Variants in SNX29 observed in about 807,000 individuals in gnomAD.
The protein encoded by SNX29 is sorting nexin 29.
Under a neutral mutation model 102.1 loss-of-function variants are expected in SNX29, and 78 were observed. The ratio of observed to expected loss-of-function variants is 0.76; its 90% CI spans 0.64 to 0.92. The LOEUF is 0.92. SNX29 is among the 40% of genes least tolerant of loss of function. The probability of loss-of-function intolerance (pLI) is 0.00; values close to 1 mark genes in which losing one functional copy is unlikely to be tolerated. For synonymous variants in SNX29, 580 were observed against 414.5 expected, an observed-to-expected ratio of 1.40 and a Z score of -4.85; for missense variants, 1,280 against 1,061.7, an observed-to-expected ratio of 1.21 and a Z score of -2.86.
At chr16:12,519,120 T>G (rs1259470399) in intron 19 of SNX29, among the ~76,000 whole-genome samples, 1 of 152,154 alleles carries the variant, frequency 6.6e-6, no homozygotes, top group Admixed American at 6.5e-5. Context: ...GGGCTGCTCA[T>G]TATTTAAAGG....
intron 15 of SNX29, among the ~76,000 whole-genome samples, chr16:12,321,159 T>A (rs1329314599): frequency 6.6e-6 from 1 of 152,070 alleles, no homozygotes; most frequent in Non-Finnish European, 1.5e-5. Context: ...GCCACACTGC[T>A]CTGTTCCTAC....
At chr16:12,287,893 C>T (rs2079651270) in intron 15 of SNX29, among the ~76,000 whole-genome samples, 1 of 152,088 alleles carries the variant, frequency 6.6e-6, no homozygotes, top group Non-Finnish European at 1.5e-5. Flanking sequence ...TTTCTCCTAC[C>T]AGTGTTTTTT....
intron 3 of SNX29, among the ~76,000 whole-genome samples, chr16:12,012,229 G>C (rs1320283830): frequency 1.3e-5 from 2 of 152,090 alleles, no homozygotes; most frequent in African/African-American, 4.8e-5. Flanking sequence ...TCAAATAGGT[G>C]GGATAGGAAT....
intron 20 of SNX29, among the ~76,000 whole-genome samples, chr16:12,548,988 C>T (rs773051758): frequency 3.3e-5 from 5 of 152,332 alleles, no homozygotes; most frequent in Admixed American, 1.3e-4. Context: ...CCCTGCTCTC[C>T]CGTGCTTTGG....
intron 13 of SNX29, among the ~76,000 whole-genome samples, chr16:12,192,199 A>G (rs2076659694): frequency 6.6e-6 from 1 of 152,146 alleles, no homozygotes; most frequent in African/African-American, 2.4e-5. Context: ...TTTGAGAGGT[A>G]CTTGCCACCT....
chr16:12,175,183 T>G (rs1248972081), intron 13 of SNX29, among the ~76,000 whole-genome samples: 1 of 152,236 alleles, frequency 6.6e-6, no homozygotes, highest in Non-Finnish European at 1.5e-5. Context: ...CTATTATAAA[T>G]TTGTAGCAGG....
At chr16:12,303,175 C>T (rs1168646300) in intron 15 of SNX29, among the ~76,000 whole-genome samples, 4 of 152,134 alleles carry the variant, frequency 2.6e-5, no homozygotes, top group Non-Finnish European at 4.4e-5. Context: ...TGGAGTTGGT[C>T]CACATAGTTG....
intron 13 of SNX29, among the ~76,000 whole-genome samples, chr16:12,160,371 CAG>C (rs890592122): frequency 6.6e-6 from 1 of 152,202 alleles, no homozygotes; most frequent in African/African-American, 2.4e-5. Context: ...GGTTACATAG[CAG>C]AGAGGCTTAT....
At chr16:12,013,677 C>G (rs1324723689) in intron 3 of SNX29, among the ~76,000 whole-genome samples, 1 of 150,566 alleles carries the variant, frequency 6.6e-6, no homozygotes, top group Non-Finnish European at 1.5e-5. Context: ...TGGAGTCCCG[C>G]TGTGTTGCCC....
At chr16:12,181,852 G>A (rs372889712) in intron 13 of SNX29, among the ~76,000 whole-genome samples, 2 of 151,258 alleles carry the variant, frequency 1.3e-5, no homozygotes, top group Non-Finnish European at 2.9e-5. Context: ...GTCACCTAGC[G>A]TTGTTGTAAA....
In SNX29 at chr16:12,042,880, G is replaced by A. The variant is rs543502452; in HGVS notation, c.248-17G>A. On this transcript the variant is annotated splice_polypyrimidine_tract_variant and intron_variant, in intron 4 of 20. Transcript: ENST00000566228. Reference sequence around the variant, plus strand: ...GCCCCAGGCCGAGTGCCAGGCGCCTGTGCCCTCTCTCCGTAGAGCCCGTGT... The same window carrying A: ...GCCCCAGGCCGAGTGCCAGGCGCCTATGCCCTCTCTCCGTAGAGCCCGTGT... 8.0e-5 allele frequency: 128 copies of A among 1,593,390 alleles called. 2 individuals are homozygous for A. In the East Asian group the frequency reaches 2.9e-3, roughly 36 times the overall value.
chr16:12,250,223 T>C lies in SNX29; in HGVS notation c.1679-27710T>C, dbSNP rs564356527. On this transcript the variant is annotated intron_variant, in intron 14 of 20. Transcript: ENST00000566228. The stretch of plus-strand genomic sequence containing the variant: ...CAGAGACAAGAGCGGGCACGGGAGT[T>C]GAAAGCCTTGTGCATAGAAACACAC... Among the ~76,000 whole-genome samples, 8 of 152,288 alleles carry C rather than the reference T, an allele frequency of 5.3e-5. No homozygotes were observed. In the South Asian group the frequency reaches 1.7e-3, roughly 32 times the overall value.
At chr16:12,538,689 C>G (rs546951855) in intron 20 of SNX29, among the ~76,000 whole-genome samples, 1 of 152,096 alleles carries the variant, frequency 6.6e-6, no homozygotes, top group African/African-American at 2.4e-5. Context: ...CCTCCCAGGA[C>G]CAGTGGGCGA....
chr16:12,331,982 C>T (rs1033237654), intron 15 of SNX29, among the ~76,000 whole-genome samples: 1 of 152,088 alleles, frequency 6.6e-6, no homozygotes, highest in African/African-American at 2.4e-5. Context: ...ATCGCTTGAA[C>T]CTAGTAGGTG....
intron 20 of SNX29, chr16:12,546,759 C>G (rs78634617): frequency 8.1e-6 from 1 of 123,602 alleles, no homozygotes; most frequent in Admixed American, 7.7e-5. Context: ...GACATTTAAA[C>G]AGCTACCTTC....
chr16:12,376,550 ACATGGAGAAACCC>A (rs1196644604), intron 16 of SNX29, among the ~76,000 whole-genome samples: 3 of 152,034 alleles, frequency 2.0e-5, no homozygotes, highest in Non-Finnish European at 4.4e-5. Flanking sequence ...AGTCTGGCCA[ACATGGAGAAACCC>A]CATCTCTACT....
chr16:12,103,686 A>G (rs1312661593), intron 11 of SNX29, among the ~76,000 whole-genome samples: 1 of 152,260 alleles, frequency 6.6e-6, no homozygotes. Flanking sequence ...ACCAAAATTG[A>G]CAAATGGGAT....
chr16:12,562,257 G>A lies in SNX29; in HGVS notation c.2319-6249G>A, dbSNP rs576569397. Among the ~76,000 whole-genome samples the A allele has an allele frequency of 3.9e-5, 6 of 152,268 alleles. No individual in the cohort carries two copies. The South Asian group carries it at 1.2e-3, about 32-fold the overall frequency. ...AGTGAAGGGCGAGGGCATTCACTAA[G>A]CAGCATCCCCATGGGCCACGCTCTA... is the stretch of plus-strand genomic sequence containing the variant. On this transcript the variant is annotated intron_variant, in intron 20 of 20. Coordinates refer to ENST00000566228, the MANE Select transcript of SNX29 (RefSeq NM_032167.5).
At chr16:12,508,343 C>T (rs531662552) in intron 19 of SNX29, among the ~76,000 whole-genome samples, 1 of 152,306 alleles carries the variant, frequency 6.6e-6, no homozygotes, top group African/African-American at 2.4e-5. Flanking sequence ...AAGCATGGAC[C>T]GGTGTCACCT....
Sources: allele counts gnomAD v4.1 joint callset (sites outside exome capture counted in the v4.1 genomes callset), GRCh38; gene constraint gnomAD v4.1.1; transcripts MANE v1.5; gene names NCBI Gene and HGNC (gene_info 2026-07-23, HGNC 2026-07-21).